ARHGAP6: variants seen among roughly 807,000 people sequenced by gnomAD.
ARHGAP6 encodes rho GTPase-activating protein 6.
A neutral mutation model predicts 55.7 loss-of-function variants in ARHGAP6; 16 were observed. The ratio of observed to expected loss-of-function variants is 0.29; its 90% CI spans 0.19 to 0.44. The LOEUF (loss-of-function observed/expected upper bound fraction) is 0.44. ARHGAP6 is among the 20% of genes least tolerant of loss of function. The pLI, the probability that ARHGAP6 is intolerant of heterozygous loss-of-function variation, is 1.00. For synonymous variants in ARHGAP6, 382 were observed against 360.9 expected (o/e 1.06, Z -0.66); for missense variants, 698 against 808.9 (o/e 0.86, Z 1.66).
chrX:11,409,762 A>T (rs1382217215), intron 1 of ARHGAP6, among the ~76,000 whole-genome samples: 1 of 112,688 alleles, frequency 8.9e-6, no homozygotes, highest in Admixed American at 9.4e-5. Flanking sequence ...TGTTATACAA[A>T]TAAAAGTTAT....
chrX:11,162,974 A>T (rs1429443802), intron 9 of ARHGAP6, among the ~76,000 whole-genome samples: 2 of 112,288 alleles, frequency 1.8e-5, no homozygotes, highest in Non-Finnish European at 3.8e-5. Context: ...TACATTTTTT[A>T]AAAAATCAAG....
intron 1 of ARHGAP6, among the ~76,000 whole-genome samples, chrX:11,643,703 C>T (rs942330311): frequency 2.7e-5 from 3 of 111,187 alleles, no homozygotes; most frequent in African/African-American, 9.8e-5. Context: ...ATGGCCCAAT[C>T]CCTTGAATTT....
At chrX:11,399,833 C>T (rs1415831439) in intron 1 of ARHGAP6, among the ~76,000 whole-genome samples, 1 of 111,963 alleles carries the variant, frequency 8.9e-6, no homozygotes, top group African/African-American at 3.2e-5. Context: ...ACCCAAATGT[C>T]CATCAGCTGA....
chrX:11,216,299 G>A (rs1455657484), intron 2 of ARHGAP6, among the ~76,000 whole-genome samples: 2 of 111,413 alleles, frequency 1.8e-5, no homozygotes, highest in Non-Finnish European at 3.8e-5. Context: ...AAATCGATGC[G>A]GAAGACAAGG....
At chrX:11,638,595 A>G (rs1458057830) in intron 1 of ARHGAP6, among the ~76,000 whole-genome samples, 1 of 111,453 alleles carries the variant, frequency 9.0e-6, no homozygotes, top group Non-Finnish European at 1.9e-5. Context: ...GGAGTCAACA[A>G]GCATACAGAG....
chrX:11,249,583 T>A (rs2047396734), intron 2 of ARHGAP6, among the ~76,000 whole-genome samples: 1 of 111,051 alleles, frequency 9.0e-6, no homozygotes, highest in South Asian at 3.8e-4. Context: ...AAAAAAAAAA[T>A]CTCCTTGGTG....
intron 1 of ARHGAP6, among the ~76,000 whole-genome samples, chrX:11,540,708 AAC>A (rs1288682478): frequency 8.9e-6 from 1 of 112,659 alleles, no homozygotes; most frequent in Non-Finnish European, 1.9e-5. Context: ...TCTATAGAAG[AAC>A]ATAGTGTACT....
At chrX:11,560,826 C>G (rs1200824808) in intron 1 of ARHGAP6, among the ~76,000 whole-genome samples, 1 of 112,107 alleles carries the variant, frequency 8.9e-6, no homozygotes, top group East Asian at 2.8e-4. Context: ...TTTTTCAAAT[C>G]TTTTACTGTT....
intron 1 of ARHGAP6, among the ~76,000 whole-genome samples, chrX:11,281,387 T>A (rs1330769687): frequency 1.8e-5 from 2 of 110,523 alleles, no homozygotes; most frequent in African/African-American, 6.6e-5. Flanking sequence ...TGCACTTCTC[T>A]ACATGTGTAT....
rs2045585382 is a variant in ARHGAP6 at position 11,139,155 on chromosome X, T to C, written c.2633A>G (p.Lys878Arg). 2 of 1,204,463 alleles carry C rather than the reference T, an allele frequency of 1.7e-6. No homozygotes were observed. Residue 878 changes from lysine to arginine, a missense_variant, in exon 13 of 13, where the codon AAG (lysine) becomes AGG (arginine). Transcript: ENST00000337414. ...GCCCGGGTATGGAGGCGGGGGCCGC[T>C]TGTCATCCCTCCCACTCCCATGGGG... ...QRPHGSGRDD[K>R]RPPPPYPGPG...
At chrX:11,294,884 C>T in intron 1 of ARHGAP6, 3 of 1,180,512 alleles carry the variant, frequency 2.5e-6, no homozygotes, top group Non-Finnish European at 3.5e-6. Flanking sequence ...TCCAATTTCA[C>T]AAACTTGGAC....
At chrX:11,531,597 CT>C (rs11382998) in intron 1 of ARHGAP6, among the ~76,000 whole-genome samples, 290 of 102,537 alleles carry the variant, frequency 2.8e-3, no homozygotes, top group Non-Finnish European at 4.2e-3. Context: ...ACAGGGGGTT[CT>C]TTTTTTTTTT....
intron 1 of ARHGAP6, among the ~76,000 whole-genome samples, chrX:11,402,463 C>T (rs780852098): frequency 1.8e-4 from 20 of 110,440 alleles, no homozygotes; most frequent in Middle Eastern, 4.2e-3. Flanking sequence ...TCTCACATTG[C>T]AACAACCCAG....
chrX:11,582,533 A>C (rs1243158543), intron 1 of ARHGAP6, among the ~76,000 whole-genome samples: 1 of 112,110 alleles, frequency 8.9e-6, no homozygotes, highest in Non-Finnish European at 1.9e-5. Context: ...GCCTATTTTC[A>C]GAAATTCCTT....
chrX:11,189,854 G>T (rs1055736972), intron 3 of ARHGAP6, among the ~76,000 whole-genome samples: 1 of 112,195 alleles, frequency 8.9e-6, no homozygotes, highest in South Asian at 3.7e-4. Context: ...AGGGCCAGGA[G>T]TTTTATTGGC....
rs1236714826 is a variant in ARHGAP6, at chrX:11,138,265, T to C, written c.*598A>G. 1 of 112,195 alleles carries C rather than the reference T, an allele frequency of 8.9e-6. No individual in the cohort carries two copies. Among genetic ancestry groups the C allele is most frequent in the Non-Finnish European group, 1.9e-5 (1 of 53,223 alleles). 9.2% of individuals were successfully genotyped at this position (112,195 alleles called of 1,213,427 possible). A position where few individuals can be genotyped will look rare whatever the true frequency, so the allele number is the denominator to read the frequency against. On this transcript the variant is annotated 3_prime_UTR_variant, in exon 13 of 13. Transcript: ENST00000337414. ...AGTGATTTTTCTTTTTGTATCTGACTCCTATGTAAAAATATGGCTTCTCAT... is the reference window on the plus strand; with the variant it reads ...AGTGATTTTTCTTTTTGTATCTGACCCCTATGTAAAAATATGGCTTCTCAT...
chrX:11,598,757 T>C (rs1416978999), intron 1 of ARHGAP6, among the ~76,000 whole-genome samples: 1 of 112,039 alleles, frequency 8.9e-6, no homozygotes, highest in Non-Finnish European at 1.9e-5. Flanking sequence ...ATAATTTCCA[T>C]TTAAGAAACA....
rs776330591 is a variant in ARHGAP6 at position 11,600,308 on chromosome X, A to G, written c.588+63933T>C. Among the ~76,000 whole-genome samples, 26 of 112,597 alleles carry G rather than the reference A, an allele frequency of 2.3e-4. No homozygotes were observed. The South Asian group carries it at 9.7e-3, about 42-fold the overall frequency. ...CAGATTAACCAGACTGTCAAGGACC[A>G]GATGCTTTCAGCGTTGAACATGGGG... On this transcript the variant is annotated intron_variant, in intron 1 of 12. Transcript: ENST00000337414.
rs1225203536 is a variant in ARHGAP6, at chrX:11,255,787, C to A, written c.589-1080G>T. Among the ~76,000 whole-genome samples, 4 of 111,927 alleles carry A rather than the reference C, an allele frequency of 3.6e-5. No homozygotes were observed. In the Admixed American group the frequency reaches 3.8e-4, roughly 11 times the overall value. The stretch of plus-strand genomic sequence containing the variant: ...ATTTCCACAATCCTAAAAGTGTACT[C>A]ATGTGTACACATGCACACCCTTGCA... On this transcript the variant is annotated intron_variant, in intron 1 of 12. Coordinates refer to ENST00000337414, the MANE Select transcript of ARHGAP6 (RefSeq NM_013427.3).
Sources: allele counts gnomAD v4.1 joint callset (sites outside exome capture counted in the v4.1 genomes callset), GRCh38; gene constraint gnomAD v4.1.1; transcripts MANE v1.5; gene names NCBI Gene and HGNC (gene_info 2026-07-23, HGNC 2026-07-21).